The following PCDHA10 variants were observed in gnomAD, a reference collection of about 807,000 sequenced individuals.
The protein encoded by PCDHA10 is protocadherin alpha-10.
PCDHA10 carries 45 observed loss-of-function variants against 61.2 expected under a neutral mutation model. The observed-to-expected ratio is 0.74, with a 90% CI of 0.58 to 0.94. The LOEUF is 0.94. Among genes scored for constraint, PCDHA10 ranks in the 40% least tolerant of loss-of-function variants. The probability of loss-of-function intolerance (pLI) is 0.00; values close to 1 mark genes in which losing one functional copy is unlikely to be tolerated. For synonymous variants in PCDHA10, 602 were observed against 548.8 expected (o/e 1.10, Z -1.35); for missense variants, 1,278 against 1,236.2 (o/e 1.03, Z -0.51).
intron 1 of PCDHA10, chr5:140,870,038 A>G (rs1268813918): frequency 8.1e-6 from 13 of 1,613,620 alleles, no homozygotes; most frequent in Non-Finnish European, 1.1e-5. Flanking sequence ...TATGAAGAAA[A>G]CAAGTTTTAT....
Position 140,858,037 on chromosome 5 carries a change from T to G in PCDHA10, c.1989T>G (p.Thr663=), listed in dbSNP as rs782428899. Residue 663 remains threonine (T), a synonymous_variant, in exon 1 of 4, where the codon ACT becomes ACG. Coordinates refer to ENST00000307360, the MANE Select transcript of PCDHA10 (RefSeq NM_018901.4). ...HGEPSLTATA[T]VLVSLVEGSQ... The stretch of plus-strand genomic sequence containing the variant: ...AGCCGTCGCTGACGGCCACGGCCAC[T>G]GTGCTTGTGTCGCTTGTGGAGGGCA... 6 of 1,596,390 alleles carry G rather than the reference T, an allele frequency of 3.8e-6. 1 individual carries two copies. The highest frequency in any genetic ancestry group is 5.1e-6 in the Non-Finnish European group (6 of 1,167,344).
chr5:140,923,297 G>C (rs1554201355), intron 1 of PCDHA10, among the ~76,000 whole-genome samples: 1 of 152,186 alleles, frequency 6.6e-6, no homozygotes, highest in African/African-American at 2.4e-5. Flanking sequence ...AATTAGCTGG[G>C]CGTGGGGGCG....
chr5:140,875,172 C>A (rs999085761), intron 1 of PCDHA10: 1 of 386,866 alleles, frequency 2.6e-6, no homozygotes. Context: ...AAAGTCGAAA[C>A]ATTAGAATTA....
At chr5:140,919,932 C>A (rs2079357842) in intron 1 of PCDHA10, among the ~76,000 whole-genome samples, 1 of 151,968 alleles carries the variant, frequency 6.6e-6, no homozygotes, top group Non-Finnish European at 1.5e-5. Flanking sequence ...CAGGTGGGGG[C>A]TAATTCCAGT....
At chr5:140,972,660 A>ATTTTTTTTTTTTTTTTTTTTTTTTTT (rs11350929) in intron 1 of PCDHA10, among the ~76,000 whole-genome samples, 1 of 117,268 alleles carries the variant, frequency 8.5e-6, no homozygotes, top group Non-Finnish European at 1.7e-5. Context: ...AAGAAACCAA[A>ATTTTTTTTTTTTTTTTTTTTTTTTTT]TTTTTTTTTT....
intron 1 of PCDHA10, chr5:140,871,086 G>A (rs556097993): frequency 6.6e-5 from 106 of 1,613,256 alleles, no homozygotes; most frequent in Middle Eastern, 1.6e-4. Flanking sequence ...TGACGGCCAC[G>A]GCCACCGTGC....
At chr5:140,995,000 T>A (rs149795080) in intron 3 of PCDHA10, among the ~76,000 whole-genome samples, 1 of 152,328 alleles carries the variant, frequency 6.6e-6, no homozygotes, top group African/African-American at 2.4e-5. Flanking sequence ...GTTAGTTGGT[T>A]TGTTTATATT....
intron 1 of PCDHA10, among the ~76,000 whole-genome samples, chr5:140,905,145 T>C (rs1264141592): frequency 1.3e-5 from 2 of 152,252 alleles, no homozygotes; most frequent in African/African-American, 4.8e-5. Context: ...TCTGCTGTTA[T>C]ATTTTAGAAT....
At position 140,856,318 on chromosome 5, in the gene PCDHA10, C is replaced by T. The variant is rs200204071; in HGVS notation, c.270C>T (p.Asp90=). 8.1e-6 allele frequency: 13 copies of T among 1,598,576 alleles called. 2 individuals are homozygous for T. The African/African-American group carries it at 1.7e-4, about 21-fold the overall frequency. Residue 90 remains aspartate, a synonymous_variant, in exon 1 of 4, where the codon GAC becomes GAT. Transcript: ENST00000307360. ...TTTTGTTTGTGAATTCTCGGATTGACCGCGAGGAGCTGTGCGGGCGGAGCG... is the reference window on the plus strand; with the variant it reads ...TTTTGTTTGTGAATTCTCGGATTGATCGCGAGGAGCTGTGCGGGCGGAGCG... The part of the protein sequence containing the change: ...NGILFVNSRI[D]REELCGRSVE...
chr5:140,939,673 T>C (rs1235567287), intron 1 of PCDHA10, among the ~76,000 whole-genome samples: 1 of 152,196 alleles, frequency 6.6e-6, no homozygotes, highest in African/African-American at 2.4e-5. Context: ...CCAACTTGTA[T>C]GTATGTGTGT....
At chr5:141,001,977 A>T (rs527826696) in intron 3 of PCDHA10, among the ~76,000 whole-genome samples, 1 of 152,246 alleles carries the variant, frequency 6.6e-6, no homozygotes, top group South Asian at 2.1e-4. Flanking sequence ...CTCTGCGCGG[A>T]AAGCCTGGAA....
At chr5:141,009,494 A>T in intron 3 of PCDHA10, 133 bp from the exon 4 acceptor site, 1 of 1,488,918 alleles carries the variant, frequency 6.7e-7, no homozygotes, top group South Asian at 1.4e-5. Flanking sequence ...TTGCCCTCAG[A>T]CTTGAACAAA....
At chr5:140,989,747 G>A (rs1554251066) in intron 3 of PCDHA10, among the ~76,000 whole-genome samples, 1 of 152,166 alleles carries the variant, frequency 6.6e-6, no homozygotes, top group African/African-American at 2.4e-5. Flanking sequence ...TGCCTAATCT[G>A]GAGAAACATA....
At chr5:140,867,614 T>C (rs1157399169) in intron 1 of PCDHA10, 3 of 152,134 alleles carry the variant, frequency 2.0e-5, no homozygotes, top group Non-Finnish European at 2.9e-5. Context: ...ATCAAAACTA[T>C]AGAACAAAAT....
At chr5:140,960,405 C>T (rs2095547214) in intron 1 of PCDHA10, among the ~76,000 whole-genome samples, 1 of 151,828 alleles carries the variant, frequency 6.6e-6, no homozygotes, top group Non-Finnish European at 1.5e-5. Context: ...AGGGGGGGTG[C>T]CCAAAAAGTC....
chr5:140,898,284 T>C (rs2066636432), intron 1 of PCDHA10, among the ~76,000 whole-genome samples: 1 of 152,254 alleles, frequency 6.6e-6, no homozygotes, highest in South Asian at 2.1e-4. Flanking sequence ...TTCTGAATGG[T>C]AATGCCTAGG....
intron 1 of PCDHA10, among the ~76,000 whole-genome samples, chr5:140,944,520 T>G (rs1554216391): frequency 6.6e-6 from 1 of 152,140 alleles, no homozygotes; most frequent in Non-Finnish European, 1.5e-5. Flanking sequence ...TATTTTGTGC[T>G]TTAAATGATT....
chr5:140,860,800 C>G (rs1270356784), intron 1 of PCDHA10: 1 of 152,198 alleles, frequency 6.6e-6, no homozygotes, highest in East Asian at 1.9e-4. Flanking sequence ...TGCAGTGGCA[C>G]GATCTCGGCT....
Position 140,877,047 on chromosome 5 carries a change from C to T in PCDHA10, c.2388+18611C>T, listed in dbSNP as rs372059660. The T allele has an allele frequency of 5.6e-6, 9 of 1,612,564 alleles. No homozygotes were observed. The African/African-American group carries it at 1.2e-4, about 22-fold the overall frequency. On this transcript the variant is annotated intron_variant, in intron 1 of 3. Transcript: ENST00000307360. ...TGTACGCGCTGCAGCCGCTAGACCA[C>T]GAGGAGCTGGAGCTGCTGCAGTTCC...
Sources: allele counts gnomAD v4.1 joint callset (sites outside exome capture counted in the v4.1 genomes callset), GRCh38; gene constraint gnomAD v4.1.1; transcripts MANE v1.5; gene names NCBI Gene and HGNC (gene_info 2026-07-23, HGNC 2026-07-21).